KCNIP4: variants seen among roughly 807,000 people sequenced by gnomAD.
The protein encoded by KCNIP4 is Kv channel-interacting protein 4.
Under a neutral mutation model 34.0 loss-of-function variants are expected in KCNIP4, and 12 were observed. That is an observed-to-expected ratio of 0.35 (90% CI 0.23 to 0.57). The LOEUF is 0.57. Among genes scored for constraint, KCNIP4 ranks in the 20% least tolerant of loss-of-function variants. The probability of loss-of-function intolerance (pLI) is 0.83; values close to 1 mark genes in which losing one functional copy is unlikely to be tolerated. For synonymous variants in KCNIP4, 124 were observed against 102.2 expected (o/e 1.21, Z -1.29); for missense variants, 238 against 311.7 (o/e 0.76, Z 1.78).
At chr4:21,418,311 T>C (rs933583642) in intron 1 of KCNIP4, among the ~76,000 whole-genome samples, 3 of 152,072 alleles carry the variant, frequency 2.0e-5, no homozygotes, top group African/African-American at 7.2e-5. Flanking sequence ...TCCCTGTGCA[T>C]ATAATAGGTA....
rs546130086 is a variant in KCNIP4 at position 21,176,488 on chromosome 4, A to T, written c.62-293779T>A. Among the ~76,000 whole-genome samples, 3 of 152,262 alleles carry T rather than the reference A, an allele frequency of 2.0e-5. No individual in the cohort carries two copies. In the South Asian group the frequency reaches 6.2e-4, roughly 32 times the overall value. On this transcript the variant is annotated intron_variant, in intron 1 of 8. Coordinates refer to ENST00000382152, the MANE Select transcript of KCNIP4 (RefSeq NM_025221.6). ...AAATGGAAAATCACTGGATTCTAAC[A>T]TTTATATGGCCTGTTCTAGCTCTAT...
chr4:20,836,865 TTCTC>T (rs1468066011), intron 3 of KCNIP4, among the ~76,000 whole-genome samples: 2 of 137,722 alleles, frequency 1.5e-5, no homozygotes, highest in South Asian at 2.5e-4. Flanking sequence ...TTTCATAGAG[TTCTC>T]TCTTTTTTTT....
intron 1 of KCNIP4, among the ~76,000 whole-genome samples, chr4:20,959,678 G>A (rs536124764): frequency 2.2e-4 from 34 of 152,096 alleles, no homozygotes; most frequent in Admixed American, 6.5e-4. Flanking sequence ...CACTATCATC[G>A]CATTTTATGA....
chr4:20,885,498 C>T (rs895602342), intron 1 of KCNIP4, among the ~76,000 whole-genome samples: 1 of 151,738 alleles, frequency 6.6e-6, no homozygotes, highest in African/African-American at 2.4e-5. Flanking sequence ...CAATCAGCAG[C>T]ACCCTTTCCA....
chr4:20,743,488 T>C (rs1193143632), intron 5 of KCNIP4, among the ~76,000 whole-genome samples: 2 of 152,138 alleles, frequency 1.3e-5, no homozygotes, highest in African/African-American at 4.8e-5. Flanking sequence ...CATCTGATCT[T>C]TGACAAACCT....
chr4:21,359,981 G>T (rs1719047096), intron 1 of KCNIP4, among the ~76,000 whole-genome samples: 1 of 152,094 alleles, frequency 6.6e-6, no homozygotes, highest in South Asian at 2.1e-4. Context: ...GGGATTGTGT[G>T]CAAGAACAAG....
intron 1 of KCNIP4, among the ~76,000 whole-genome samples, chr4:21,127,484 G>T (rs1373542693): frequency 6.6e-6 from 1 of 151,988 alleles, no homozygotes. Flanking sequence ...TTATTAACTT[G>T]TTTATCATCT....
chr4:20,875,371 T>C (rs1205158992), intron 2 of KCNIP4, among the ~76,000 whole-genome samples: 1 of 152,184 alleles, frequency 6.6e-6, no homozygotes, highest in Non-Finnish European at 1.5e-5. Context: ...CAGTTTCCTA[T>C]TCTGTAAAAT....
chr4:21,869,844 C>A (rs1488292018), intron 1 of KCNIP4, among the ~76,000 whole-genome samples: 1 of 150,634 alleles, frequency 6.6e-6, no homozygotes, highest in Non-Finnish European at 1.5e-5. Flanking sequence ...TACACACATA[C>A]AACACACATA....
chr4:20,802,196 CTATA>C (rs757881129), intron 3 of KCNIP4, among the ~76,000 whole-genome samples: 42,278 of 110,822 alleles, frequency 0.38, 10,311 homozygotes, highest in Admixed American at 0.51. Flanking sequence ...TATATATATG[CTATA>C]TATATATGCT....
At chr4:21,632,801 G>C (rs1157232133) in intron 1 of KCNIP4, among the ~76,000 whole-genome samples, 1 of 152,110 alleles carries the variant, frequency 6.6e-6, no homozygotes, top group Non-Finnish European at 1.5e-5. Context: ...GAGGTCCAGC[G>C]TAAAGTAATG....
rs529970348 is a variant in KCNIP4, at chr4:20,897,815, A to T, written c.62-15106T>A. ...TGATCTTGGATGTCCAGCCTCCAGA[A>T]CTGTGAGGCCAGTAATTTCTGTTGC... On this transcript the variant is annotated intron_variant, in intron 1 of 8. Transcript: ENST00000382152. Among the ~76,000 whole-genome samples the T allele has an allele frequency of 5.9e-5, 9 of 152,274 alleles. No homozygotes were observed. In the South Asian group the frequency reaches 1.7e-3, roughly 28 times the overall value.
chr4:21,719,846 C>T (rs925249274), intron 1 of KCNIP4, among the ~76,000 whole-genome samples: 2 of 151,760 alleles, frequency 1.3e-5, no homozygotes, highest in African/African-American at 4.8e-5. Flanking sequence ...ACCTGTAATC[C>T]CAGCTACTTG....
intron 1 of KCNIP4, among the ~76,000 whole-genome samples, chr4:21,683,960 T>C (rs73256512): frequency 0.078 from 11,838 of 151,724 alleles, 738 homozygotes; most frequent in African/African-American, 0.17. Flanking sequence ...GAACAACAGA[T>C]ACTGGGGCCT....
At chr4:21,340,070 A>G (rs1716599376) in intron 1 of KCNIP4, among the ~76,000 whole-genome samples, 1 of 152,132 alleles carries the variant, frequency 6.6e-6, no homozygotes, top group Non-Finnish European at 1.5e-5. Flanking sequence ...TTACAAGAGG[A>G]AATTGAGTGT....
At chr4:20,810,002 C>T (rs1193543774) in intron 3 of KCNIP4, among the ~76,000 whole-genome samples, 3 of 152,198 alleles carry the variant, frequency 2.0e-5, no homozygotes, top group Non-Finnish European at 2.9e-5. Context: ...TTCAGCAGCA[C>T]GTTTTTGCAC....
At chr4:21,515,148 C>T (rs566942677) in intron 1 of KCNIP4, among the ~76,000 whole-genome samples, 3 of 152,278 alleles carry the variant, frequency 2.0e-5, no homozygotes, top group Admixed American at 6.5e-5. Flanking sequence ...GCTTAACCAT[C>T]GCTTCCCTAG....
chr4:21,538,554 T>C (rs142742477), intron 1 of KCNIP4, among the ~76,000 whole-genome samples: 1 of 152,180 alleles, frequency 6.6e-6, no homozygotes, highest in Non-Finnish European at 1.5e-5. Flanking sequence ...TTCCTCATTA[T>C]TCCTTGGCTT....
intron 1 of KCNIP4, among the ~76,000 whole-genome samples, chr4:21,002,575 G>T (rs1244165647): frequency 1.3e-5 from 2 of 152,180 alleles, no homozygotes; most frequent in Admixed American, 1.3e-4. Context: ...GAACGGGGTT[G>T]TCTGCAGCAA....
Sources: gnomAD v4.1 joint callset for allele counts (sites outside exome capture counted in the v4.1 genomes callset) on GRCh38, gnomAD v4.1.1 for gene constraint, MANE v1.5 for transcripts, NCBI Gene and HGNC (gene_info 2026-07-23, HGNC 2026-07-21) for gene names.